PPTC7: variants seen among roughly 807,000 people sequenced by gnomAD.
PPTC7 encodes the protein protein phosphatase PTC7 homolog.
In PPTC7, 6 loss-of-function variants were observed where a neutral mutation model predicts 30.8. That is an observed-to-expected ratio of 0.19 (90% CI 0.11 to 0.38). The LOEUF is 0.38. Ranked by LOEUF, PPTC7 falls within the 10% of genes least tolerant of loss-of-function variation. The pLI is 1.00. For synonymous variants in PPTC7, 163 were observed against 168.1 expected, an observed-to-expected ratio of 0.97 and a Z score of 0.23; for missense variants, 218 against 404.8, an observed-to-expected ratio of 0.54 and a Z score of 3.96.
intron 1 of PPTC7, among the ~76,000 whole-genome samples, chr12:110,573,460 C>T (rs2064556928): frequency 6.6e-6 from 1 of 152,146 alleles, no homozygotes; most frequent in African/African-American, 2.4e-5. Flanking sequence ...ATTAAAAACT[C>T]CATTTGCACA....
At chr12:110,546,292 C>T (rs1335257433) in intron 2 of PPTC7, 1 of 558,980 alleles carries the variant, frequency 1.8e-6, no homozygotes, top group Non-Finnish European at 3.2e-6. Flanking sequence ...TTGTATTATA[C>T]ATAGTAATTG....
At chr12:110,543,879 C>T (rs960154420) in intron 3 of PPTC7, among the ~76,000 whole-genome samples, 3 of 152,210 alleles carry the variant, frequency 2.0e-5, no homozygotes, top group Non-Finnish European at 4.4e-5. Context: ...ACTGCCCCAA[C>T]CTGTCTGTCC....
At chr12:110,562,465 T>G (rs1371307827) in intron 1 of PPTC7, among the ~76,000 whole-genome samples, 1 of 152,054 alleles carries the variant, frequency 6.6e-6, no homozygotes, top group Non-Finnish European at 1.5e-5. Context: ...ATGCTGCACT[T>G]CCTGTTTTAA....
At chr12:110,561,795 T>G (rs751358487) in intron 1 of PPTC7, among the ~76,000 whole-genome samples, 1 of 151,870 alleles carries the variant, frequency 6.6e-6, no homozygotes, top group Non-Finnish European at 1.5e-5. Flanking sequence ...CCGTCTCTAC[T>G]AAAAATACAA....
At chr12:110,562,779 C>G (rs1279371787) in intron 1 of PPTC7, among the ~76,000 whole-genome samples, 4 of 145,928 alleles carry the variant, frequency 2.7e-5, no homozygotes, top group Non-Finnish European at 6.0e-5. Context: ...GGTGACAAAG[C>G]GAGACTCTGT....
chr12:110,558,969 T>TA (rs763359572), intron 1 of PPTC7, among the ~76,000 whole-genome samples: 1 of 152,186 alleles, frequency 6.6e-6, no homozygotes, highest in South Asian at 2.1e-4. Context: ...AGAAAATAGT[T>TA]ACAGTATTTA....
chr12:110,545,007 T>TC (rs750845166), intron 3 of PPTC7, among the ~76,000 whole-genome samples: 3 of 152,158 alleles, frequency 2.0e-5, no homozygotes, highest in Non-Finnish European at 4.4e-5. Context: ...CAGGCTGGAC[T>TC]CCAGCGATTT....
In PPTC7 at chr12:110,551,861, C is replaced by A. The variant is rs758698303; in HGVS notation, c.331G>T (p.Val111Leu). 5.6e-6 allele frequency: 9 copies of A among 1,614,150 alleles called. No individual in the cohort carries two copies. Among genetic ancestry groups the A allele is most frequent in the Non-Finnish European group, 7.6e-6 (9 of 1,179,980 alleles). ...CERLVKEGRF[V>L]PSNPIGILTT... ...AGAATTCCAATGGGATTACTAGGTA[C>A]GAACCGTCCTTCTTTTACTAAACGT... Residue 111 changes from valine to leucine, a missense_variant, in exon 2 of 6, where the codon GTA becomes TTA. Val to Leu is a conservative substitution (Grantham distance 32). Transcript: ENST00000354300.
At chr12:110,558,243 C>T (rs537449958) in intron 1 of PPTC7, among the ~76,000 whole-genome samples, 39 of 152,222 alleles carry the variant, frequency 2.6e-4, no homozygotes, top group South Asian at 4.1e-4. Flanking sequence ...TATGAGTTTG[C>T]GGCTGGCAAG....
chr12:110,577,667 T>C (rs943175320), intron 1 of PPTC7, among the ~76,000 whole-genome samples: 2 of 152,174 alleles, frequency 1.3e-5, no homozygotes, highest in African/African-American at 2.4e-5. Context: ...CAAAATCAGA[T>C]CCAAAGGCTG....
intron 3 of PPTC7, among the ~76,000 whole-genome samples, chr12:110,545,387 C>T (rs1291157461): frequency 2.0e-5 from 3 of 152,210 alleles, no homozygotes; most frequent in Non-Finnish European, 4.4e-5. Context: ...GTCACCGTGC[C>T]CAGTCACTTA....
chr12:110,540,378 G>C (rs1286557198), intron 3 of PPTC7, among the ~76,000 whole-genome samples: 1 of 131,988 alleles, frequency 7.6e-6, no homozygotes, highest in African/African-American at 2.8e-5. Flanking sequence ...CTGGAATGCA[G>C]TGGCACGATA....
chr12:110,555,687 G>A (rs1238711852), intron 1 of PPTC7, among the ~76,000 whole-genome samples: 1 of 152,118 alleles, frequency 6.6e-6, no homozygotes, highest in African/African-American at 2.4e-5. Context: ...TGAGGGGTGA[G>A]GGAAAGAGAA....
chr12:110,578,877 G>C (rs1380936372), intron 1 of PPTC7, among the ~76,000 whole-genome samples: 2 of 152,192 alleles, frequency 1.3e-5, no homozygotes, highest in Non-Finnish European at 2.9e-5. Context: ...CAGACACTGT[G>C]GCTCACACCT....
chr12:110,544,991 G>T (rs2135765500), intron 3 of PPTC7, among the ~76,000 whole-genome samples: 1 of 152,268 alleles, frequency 6.6e-6, no homozygotes, highest in East Asian at 1.9e-4. Context: ...GTGTCACTAT[G>T]TCACCCAGGC....
At chr12:110,561,196 T>C (rs2064435279) in intron 1 of PPTC7, among the ~76,000 whole-genome samples, 1 of 152,180 alleles carries the variant, frequency 6.6e-6, no homozygotes, top group Non-Finnish European at 1.5e-5. Flanking sequence ...GCCAGCCTCA[T>C]TTGTCTAAAG....
At chr12:110,577,676 T>C (rs1291122133) in intron 1 of PPTC7, among the ~76,000 whole-genome samples, 1 of 151,892 alleles carries the variant, frequency 6.6e-6, no homozygotes, top group Non-Finnish European at 1.5e-5. Flanking sequence ...ATCCAAAGGC[T>C]GGGATATGAA....
rs759184852 is a variant in PPTC7, at chr12:110,537,073, G to A, written c.879C>T (p.Thr293=). The A allele has an allele frequency of 3.3e-5, 54 of 1,612,292 alleles. No individual in the cohort carries two copies. Among genetic ancestry groups the A allele is most frequent in the Admixed American group, 1.7e-4 (10 of 59,982 alleles). Residue 293 remains threonine, a synonymous_variant, in exon 6 of 6, where the codon ACC becomes ACT. Transcript: ENST00000354300. ...ACTCAGCCACTATTGAAAGAAGGAC[G>A]GTGATGTCATCTGGCTTTCCACCTA... ...NVRGGKPDDI[T]VLLSIVAEYT...
At chr12:110,565,136 A>G (rs962741420) in intron 1 of PPTC7, among the ~76,000 whole-genome samples, 8 of 151,924 alleles carry the variant, frequency 5.3e-5, no homozygotes, top group African/African-American at 1.9e-4. Flanking sequence ...TCAGCCTCCC[A>G]AAGTGCTGGG....
Sources: gnomAD v4.1 joint callset for allele counts (sites outside exome capture counted in the v4.1 genomes callset) on GRCh38, gnomAD v4.1.1 for gene constraint, MANE v1.5 for transcripts, NCBI Gene and HGNC (gene_info 2026-07-23, HGNC 2026-07-21) for gene names.